Variants in USP24 observed in about 807,000 individuals in gnomAD.
USP24 encodes ubiquitin specific peptidase 24, also known as ubiquitin carboxyl-terminal hydrolase 24.
Under a neutral mutation model 361.6 loss-of-function variants are expected in USP24, and 97 were observed. The observed-to-expected ratio is 0.27, with a 90% CI of 0.23 to 0.32. The LOEUF is 0.32. Among genes scored for constraint, USP24 ranks in the 10% least tolerant of loss-of-function variants. The pLI is 1.00. For synonymous variants in USP24, 1,098 were observed against 1,124.6 expected (o/e 0.98, Z 0.47); for missense variants, 2,353 against 3,165.6 (o/e 0.74, Z 6.16).
chr1:55,197,434 C>T (rs1005192061), intron 1 of USP24, among the ~76,000 whole-genome samples: 7 of 152,170 alleles, frequency 4.6e-5, no homozygotes, highest in Non-Finnish European at 8.8e-5. Context: ...AGAGTGGGTG[C>T]TCAACAAATT....
At chr1:55,141,591 G>A (rs1001870520) in intron 24 of USP24, 25 bp downstream of exon 24, 3 of 1,575,654 alleles carry the variant, frequency 1.9e-6, no homozygotes, top group African/African-American at 1.3e-5. Context: ...TGTGTGTTGT[G>A]TATTTTTCAC....
At chr1:55,112,495 A>T (rs560880936) in intron 38 of USP24, among the ~76,000 whole-genome samples, 109 of 152,250 alleles carry the variant, frequency 7.2e-4, no homozygotes, top group African/African-American at 2.5e-3. Flanking sequence ...ATTGGTTTCA[A>T]ATAACTTATT....
chr1:55,172,604 T>G, intron 3 of USP24, 84 bp from the exon 4 acceptor site: 1 of 1,386,108 alleles, frequency 7.2e-7, no homozygotes, highest in Non-Finnish European at 9.6e-7. Context: ...CTCAAATAAG[T>G]GAGAGATTAT....
chr1:55,171,360 A>ATGATATTAG (rs1649421741), intron 5 of USP24, among the ~76,000 whole-genome samples, 196 bp downstream of exon 5: 1 of 152,178 alleles, frequency 6.6e-6, no homozygotes, highest in African/African-American at 2.4e-5. Context: ...AAAATTCTTC[A>ATGATATTAG]TGATATTAGT....
chr1:55,150,725 T>G (rs1280112467), intron 16 of USP24, among the ~76,000 whole-genome samples: 1 of 152,212 alleles, frequency 6.6e-6, no homozygotes, highest in Non-Finnish European at 1.5e-5. Context: ...AACTAAAATT[T>G]AAGAATTATT....
chr1:55,206,622 C>A (rs1263726311), intron 1 of USP24, among the ~76,000 whole-genome samples: 1 of 135,126 alleles, frequency 7.4e-6, no homozygotes. Context: ...TTAGAGAAAT[C>A]ATTTCTTGTG....
In USP24 at chr1:55,100,905, C is replaced by A. The variant is rs375128267; in HGVS notation, c.5205G>T (p.Val1735=). The A allele has an allele frequency of 3.6e-5, 58 of 1,613,554 alleles. No individual in the cohort carries two copies. Among genetic ancestry groups the A allele is most frequent in the Non-Finnish European group, 4.9e-5 (58 of 1,179,744 alleles). The part of the protein sequence containing the change: ...DNPDDSVFYQ[V]QSLFGHLMES... ...CCATTAAATGTCCAAAGAGAGACTG[C>A]ACTTGGTAAAACACGCTATCATCTG... The change falls in exon 44 of 68, where the codon GTG becomes GTT. Residue 1735 remains valine (V), a synonymous_variant. Coordinates refer to ENST00000294383, the MANE Select transcript of USP24 (RefSeq NM_015306.3).
rs756439445 is a variant in USP24, at chr1:55,129,459, T to A, written c.3635+18A>T. On this transcript the variant is annotated intron_variant, in intron 32 of 67. Transcript: ENST00000294383. ...TTCATTTTCGGCAACTCATGTAACA[T>A]TACATTGAAACTCTAACCTCAAACC... 6 of 1,609,098 alleles carry A rather than the reference T, an allele frequency of 3.7e-6. No homozygotes were observed. In the South Asian group the frequency reaches 6.6e-5, roughly 18 times the overall value.
chr1:55,150,971 T>C (rs980410926), intron 16 of USP24, among the ~76,000 whole-genome samples: 2 of 152,210 alleles, frequency 1.3e-5, no homozygotes, highest in African/African-American at 2.4e-5. Flanking sequence ...TGCAAACCTA[T>C]GCCTAAATTC....
rs746637055 is a variant in USP24, at chr1:55,120,694, T to C, written c.4410A>G (p.Pro1470=). ...TLSQTDTSAH[P]DVQKPNQFLL... ...GAAACTGATTTGGCTTCTGCACATC[T>C]GGATGCGCTGATGTGTCTGTCTGAC... The change falls in exon 38 of 68, where the codon CCA becomes CCG. Residue 1470 remains proline, a synonymous_variant. Coordinates refer to ENST00000294383, the MANE Select transcript of USP24 (RefSeq NM_015306.3). 2.5e-6 allele frequency: 4 copies of C among 1,572,736 alleles called. No individual in the cohort carries two copies. The South Asian group carries it at 4.7e-5, about 18-fold the overall frequency.
chr1:55,190,567 AACTT>A (rs1281139028), intron 1 of USP24, among the ~76,000 whole-genome samples: 5 of 152,222 alleles, frequency 3.3e-5, no homozygotes, highest in Non-Finnish European at 5.9e-5. Flanking sequence ...TTTGCAATTT[AACTT>A]ACTATTTTCT....
chr1:55,124,526 T>C lies in USP24; in HGVS notation c.4063A>G (p.Ile1355Val), dbSNP rs569462295. ...RLDLVGSSQP[I>V]KESNSLCPAG... Reference sequence around the variant, plus strand: ...GGACACAGGGAATTACTTTCTTTAATTGGCTGGCTACTCCCAACAAGATCA... The same window carrying C: ...GGACACAGGGAATTACTTTCTTTAACTGGCTGGCTACTCCCAACAAGATCA... The change falls in exon 35 of 68, where the codon ATT becomes GTT. Residue 1355 changes from isoleucine to valine, a missense_variant. By Grantham distance (29) the Ile-to-Val change is conservative (BLOSUM62 3). Around this residue, in one of 8 missense-constraint regions of USP24, gnomAD observed 949 missense variants for 1,280.5 expected, o/e 0.74. Transcript: ENST00000294383. 4.8e-5 allele frequency: 78 copies of C among 1,613,802 alleles called. No individual in the cohort carries two copies. The highest frequency in any genetic ancestry group is 2.0e-4 in the Admixed American group (12 of 60,004).
chr1:55,205,015 G>A (rs917824030), intron 1 of USP24, among the ~76,000 whole-genome samples: 1 of 152,102 alleles, frequency 6.6e-6, no homozygotes, highest in African/African-American at 2.4e-5. Flanking sequence ...TAAAGTATAC[G>A]AATGACAGAA....
At chr1:55,133,477 T>C (rs1415569610) in intron 30 of USP24, among the ~76,000 whole-genome samples, 8 of 152,170 alleles carry the variant, frequency 5.3e-5, no homozygotes, top group Admixed American at 4.6e-4. Context: ...CCCTCTGAGC[T>C]TTGGCTTCCT....
At position 55,066,425 on chromosome 1, in the gene USP24, T is replaced by C. The variant is rs1644826322; in HGVS notation, c.*2620A>G. The C allele has an allele frequency of 6.6e-6, 1 of 152,222 alleles. No individual in the cohort carries two copies. The highest frequency in any genetic ancestry group is 2.1e-4 in the South Asian group (1 of 4,832). 9.4% of individuals were successfully genotyped at this position (152,222 alleles called of 1,614,324 possible). On this transcript the variant is annotated 3_prime_UTR_variant, in exon 68 of 68. Coordinates refer to ENST00000294383, the MANE Select transcript of USP24 (RefSeq NM_015306.3). Reference sequence around the variant, plus strand: ...AACTTTGCCACACATGAACCAAATTTAGAATTAAGGTTCTTCCCTAGTGTA... The same window carrying C: ...AACTTTGCCACACATGAACCAAATTCAGAATTAAGGTTCTTCCCTAGTGTA...
At chr1:55,195,951 T>C (rs1252143026) in intron 1 of USP24, among the ~76,000 whole-genome samples, 1 of 152,164 alleles carries the variant, frequency 6.6e-6, no homozygotes, top group East Asian at 1.9e-4. Flanking sequence ...TATGTGATTT[T>C]TACCAGAGTT....
At position 55,134,635 on chromosome 1, in the gene USP24, T is replaced by C. The variant is rs143340534; in HGVS notation, c.3202-222A>G. 1.0e-3 allele frequency among the ~76,000 whole-genome samples: 158 copies of C among 152,280 alleles called. 1 individual carries two copies. The highest frequency in any genetic ancestry group is 3.6e-3 in the African/African-American group (148 of 41,560). On this transcript the variant is annotated intron_variant, in intron 28 of 67. Coordinates refer to ENST00000294383, the MANE Select transcript of USP24 (RefSeq NM_015306.3). ...GTGTATTACTTGCTCTCCCTTCTCC[T>C]GGCCACCTGCTAGTGAAGGGACTAA...
At chr1:55,155,012 G>GA (rs1317141460) in intron 12 of USP24, among the ~76,000 whole-genome samples, 80 of 142,010 alleles carry the variant, frequency 5.6e-4, no homozygotes, top group East Asian at 1.0e-3. Context: ...AACCGACAAT[G>GA]AAAAAAAAAA....
At chr1:55,096,291 T>A (rs893876615) in intron 50 of USP24, among the ~76,000 whole-genome samples, 1 of 152,230 alleles carries the variant, frequency 6.6e-6, no homozygotes, top group Non-Finnish European at 1.5e-5. Context: ...AAGGTTGTTG[T>A]AAGAAATTAT....
Sources: gnomAD v4.1 joint callset for allele counts (sites outside exome capture counted in the v4.1 genomes callset) on GRCh38, gnomAD v4.1.1 for gene constraint, gnomAD v4.1.1 regional missense constraint, MANE v1.5 for transcripts, NCBI Gene and HGNC (gene_info 2026-07-23, HGNC 2026-07-21) for gene names.